CDH18: variants seen among roughly 807,000 people sequenced by gnomAD.
CDH18 encodes cadherin 18, also known as cadherin-18.
In CDH18, 31 loss-of-function variants were observed where a neutral mutation model predicts 67.9. The observed-to-expected ratio is 0.46, with a 90% CI of 0.34 to 0.62. The LOEUF (loss-of-function observed/expected upper bound fraction) is 0.62, where lower values mean the gene tolerates loss of function less well. Ranked by LOEUF, CDH18 falls within the 20% of genes least tolerant of loss-of-function variation. The probability of loss-of-function intolerance (pLI) is 0.01; values close to 1 mark genes in which losing one functional copy is unlikely to be tolerated. For synonymous variants in CDH18, 362 were observed against 347.2 expected (o/e 1.04, Z -0.48); for missense variants, 890 against 975.5 (o/e 0.91, Z 1.17).
intron 2 of CDH18, among the ~76,000 whole-genome samples, chr5:19,947,035 A>T (rs982827038): frequency 1.3e-5 from 2 of 152,156 alleles, no homozygotes; most frequent in African/African-American, 4.8e-5. Flanking sequence ...ATCCCAAAAC[A>T]TTTATTATAT....
chr5:20,176,974 A>G (rs1038239263), intron 2 of CDH18, among the ~76,000 whole-genome samples: 3 of 152,202 alleles, frequency 2.0e-5, no homozygotes, highest in Non-Finnish European at 4.4e-5. Flanking sequence ...CTCTGATATT[A>G]TAACAGAGAA....
chr5:20,151,899 A>C (rs940925654), intron 2 of CDH18, among the ~76,000 whole-genome samples: 3 of 151,680 alleles, frequency 2.0e-5, no homozygotes, highest in African/African-American at 7.2e-5. Flanking sequence ...TTTTTCTATA[A>C]GTGTTAGCAA....
At chr5:20,290,620 T>C (rs893202651) in intron 1 of CDH18, among the ~76,000 whole-genome samples, 2 of 152,136 alleles carry the variant, frequency 1.3e-5, no homozygotes, top group African/African-American at 4.8e-5. Flanking sequence ...TTGAGCCACA[T>C]CCTGACAAGC....
chr5:20,408,115 GA>G (rs1339290469), intron 1 of CDH18, among the ~76,000 whole-genome samples: 24 of 151,762 alleles, frequency 1.6e-4, no homozygotes, highest in Non-Finnish European at 7.4e-5. Flanking sequence ...ATAAATTACT[GA>G]AAGAAAAAAA....
At chr5:20,246,259 C>T (rs1743369437) in intron 2 of CDH18, among the ~76,000 whole-genome samples, 1 of 152,134 alleles carries the variant, frequency 6.6e-6, no homozygotes, top group South Asian at 2.1e-4. Context: ...AATCCTCTCT[C>T]AGTTGCACAA....
chr5:19,512,043 TGCCCTGCATCCAAGTCATA>T (rs1482281320), intron 10 of CDH18, among the ~76,000 whole-genome samples: 1 of 152,084 alleles, frequency 6.6e-6, no homozygotes, highest in Non-Finnish European at 1.5e-5. Flanking sequence ...CAGGACTTGG[TGCCCTGCATCCAAGTCATA>T]GCTAAAAGGG....
At chr5:19,955,659 T>C (rs542889738) in intron 2 of CDH18, among the ~76,000 whole-genome samples, 13 of 152,150 alleles carry the variant, frequency 8.5e-5, no homozygotes, top group African/African-American at 2.9e-4. Context: ...TGGACATTCC[T>C]AGTTGCTAAA....
At chr5:19,940,732 C>G (rs572579919) in intron 2 of CDH18, among the ~76,000 whole-genome samples, 1 of 151,924 alleles carries the variant, frequency 6.6e-6, no homozygotes, top group East Asian at 1.9e-4. Flanking sequence ...CTAATCACCC[C>G]GATTAAGATA....
At chr5:20,440,839 C>T (rs772125949) in intron 1 of CDH18, among the ~76,000 whole-genome samples, 19 of 152,046 alleles carry the variant, frequency 1.2e-4, no homozygotes, top group African/African-American at 7.3e-5. Context: ...AACAATGTTC[C>T]AGGGTCACTG....
intron 2 of CDH18, among the ~76,000 whole-genome samples, chr5:19,907,198 T>A (rs1790631991): frequency 6.6e-6 from 1 of 151,964 alleles, no homozygotes. Context: ...TATGTGTGTT[T>A]CAGAAATGCT....
chr5:19,541,279 G>A (rs1405119542), intron 9 of CDH18, among the ~76,000 whole-genome samples: 2 of 150,760 alleles, frequency 1.3e-5, no homozygotes, highest in Non-Finnish European at 2.9e-5. Flanking sequence ...TTTCTAGGAG[G>A]TTCCAAACTT....
At chr5:19,588,064 T>A (rs1308108412) in intron 7 of CDH18, among the ~76,000 whole-genome samples, 1 of 152,086 alleles carries the variant, frequency 6.6e-6, no homozygotes, top group African/African-American at 2.4e-5. Context: ...GAATGAGAGT[T>A]CATTCATGAT....
At chr5:20,005,462 G>T (rs544296825) in intron 2 of CDH18, among the ~76,000 whole-genome samples, 119 of 149,550 alleles carry the variant, frequency 8.0e-4, no homozygotes, top group Non-Finnish European at 1.3e-3. Flanking sequence ...TCCATGAATT[G>T]ATAAATTGAT....
At chr5:20,461,638 T>C (rs1241023088) in intron 1 of CDH18, among the ~76,000 whole-genome samples, 1 of 152,102 alleles carries the variant, frequency 6.6e-6, no homozygotes, top group Non-Finnish European at 1.5e-5. Context: ...CAATCTAGTT[T>C]ACTTTGGGGC....
At chr5:19,982,868 C>T (rs1365310802) in intron 1 of CDH18, among the ~76,000 whole-genome samples, 4 of 151,824 alleles carry the variant, frequency 2.6e-5, no homozygotes, top group Non-Finnish European at 5.9e-5. Context: ...CATGGTGAAA[C>T]CCCATCTCTA....
At chr5:20,195,394 A>C (rs1738895778) in intron 2 of CDH18, among the ~76,000 whole-genome samples, 1 of 152,014 alleles carries the variant, frequency 6.6e-6, no homozygotes, top group Non-Finnish European at 1.5e-5. Flanking sequence ...TCAGTGATGA[A>C]TTTGATTGTA....
At chr5:20,465,616 C>T (rs1371384800) in intron 1 of CDH18, among the ~76,000 whole-genome samples, 1 of 151,938 alleles carries the variant, frequency 6.6e-6, no homozygotes, top group African/African-American at 2.4e-5. Flanking sequence ...AATAGTTTAA[C>T]AGACTCTTAC....
chr5:19,485,012 TAACAGTCAC>T (rs1160578893), intron 11 of CDH18, among the ~76,000 whole-genome samples: 1 of 152,200 alleles, frequency 6.6e-6, no homozygotes, highest in Non-Finnish European at 1.5e-5. Context: ...GGTATGTTTA[TAACAGTCAC>T]AGTGCAATAT....
chr5:19,748,076 G>A (rs1293099605), intron 3 of CDH18, among the ~76,000 whole-genome samples: 28 of 112,082 alleles, frequency 2.5e-4, no homozygotes, highest in Non-Finnish European at 5.0e-5. Context: ...TCGCGCCACT[G>A]CACTCCAGGC....
Sources: allele counts gnomAD v4.1 joint callset (sites outside exome capture counted in the v4.1 genomes callset), GRCh38; gene constraint gnomAD v4.1.1; transcripts MANE v1.5; gene names NCBI Gene and HGNC (gene_info 2026-07-23, HGNC 2026-07-21).